Variants in JMJD1C observed in about 807,000 individuals in gnomAD.
The protein encoded by JMJD1C is jumonji domain-containing protein 1C.
JMJD1C carries 31 observed loss-of-function variants against 245.3 expected under a neutral mutation model. That is an observed-to-expected ratio of 0.13 (90% CI 0.09 to 0.17). JMJD1C has a LOEUF of 0.17. Ranked by LOEUF, JMJD1C falls within the 10% of genes least tolerant of loss-of-function variation. The pLI, the probability that JMJD1C is intolerant of heterozygous loss-of-function variation, is 1.00. For missense variants in JMJD1C, 2,691 were observed against 3,000.2 expected, an observed-to-expected ratio of 0.90 and a Z score of 2.41; for synonymous variants, 1,057 against 1,017.4, an observed-to-expected ratio of 1.04 and a Z score of -0.74.
intron 2 of JMJD1C, among the ~76,000 whole-genome samples, chr10:63,317,333 C>T (rs936467869): frequency 2.6e-5 from 4 of 152,006 alleles, no homozygotes; most frequent in African/African-American, 9.7e-5. Context: ...GATGAAACCC[C>T]GTTTCTACTA....
intron 2 of JMJD1C, among the ~76,000 whole-genome samples, chr10:63,319,087 C>T (rs1354861996): frequency 1.3e-5 from 2 of 151,590 alleles, no homozygotes; most frequent in Non-Finnish European, 2.9e-5. Context: ...GGTGAAACAC[C>T]GTCTCTACTA....
intron 2 of JMJD1C, among the ~76,000 whole-genome samples, chr10:63,320,993 T>C (rs558819568): frequency 6.6e-6 from 1 of 152,310 alleles, no homozygotes; most frequent in African/African-American, 2.4e-5. Context: ...TGGCCAATTA[T>C]ATAATCAATG....
chr10:63,177,420 C>T (rs1355445317), intron 23 of JMJD1C: 1 of 313,036 alleles, frequency 3.2e-6, no homozygotes, highest in Non-Finnish European at 5.9e-6. Flanking sequence ...CTCCAGATAG[C>T]TACTTTTCGC....
At position 63,508,218 on chromosome 10, in the gene JMJD1C, A is replaced by G. The variant is rs187327915; in HGVS notation, n.113+13520T>C. Among the ~76,000 whole-genome samples, 26 of 152,306 alleles carry G rather than the reference A, an allele frequency of 1.7e-4. 1 individual carries two copies. In the East Asian group the frequency reaches 4.4e-3, roughly 26 times the overall value. ...CATGTGAATGTCAGGTTATTCCAAC[A>G]TTATTTTTTGAAAATATTATATCTT... is the stretch of plus-strand genomic sequence containing the variant. On this transcript the variant is annotated intron_variant and non_coding_transcript_variant, in intron 1 of 3. Transcript: ENST00000633035.
chr10:63,509,412 G>A (rs574458369), intron 1 of JMJD1C, among the ~76,000 whole-genome samples: 1 of 152,246 alleles, frequency 6.6e-6, no homozygotes, highest in East Asian at 1.9e-4. Flanking sequence ...TTTTGAATTA[G>A]GATAATGGCA....
chr10:63,233,371 C>A (rs1008380842), intron 3 of JMJD1C, among the ~76,000 whole-genome samples: 1 of 152,016 alleles, frequency 6.6e-6, no homozygotes, highest in Non-Finnish European at 1.5e-5. Flanking sequence ...AAAGCACTGT[C>A]TGTAACATTA....
At chr10:63,374,761 A>G (rs911217376) in intron 2 of JMJD1C, among the ~76,000 whole-genome samples, 1 of 152,196 alleles carries the variant, frequency 6.6e-6, no homozygotes, top group Non-Finnish European at 1.5e-5. Flanking sequence ...ATCCTAAATT[A>G]CTACTCATGA....
At chr10:63,180,532 G>A (rs1490941048) in intron 22 of JMJD1C, among the ~76,000 whole-genome samples, 1 of 152,044 alleles carries the variant, frequency 6.6e-6, no homozygotes, top group African/African-American at 2.4e-5. Flanking sequence ...CCCAGTCATG[G>A]TAAAACAAAA....
rs370840996 is a variant in JMJD1C at position 63,207,327 on chromosome 10, A to C, written c.4342T>G (p.Cys1448Gly). 9 of 1,613,502 alleles carry C rather than the reference A, an allele frequency of 5.6e-6. No individual in the cohort carries two copies. In the African/African-American group the frequency reaches 1.2e-4, roughly 22 times the overall value. ...VSQPVAQKQE[C>G]KVSTTAPVTL... ...ACTGGTGCTGTGGTGCTGACCTTGC[A>C]TTCTTGTTTTTGAGCCACTGGCTGA... Residue 1448 changes from cysteine (C) to glycine (G), a missense_variant, in exon 10 of 26, where the codon TGC becomes GGC. Transcript: ENST00000399262.
chr10:63,215,259 C>T lies in JMJD1C; in HGVS notation c.1015+4G>A. The T allele has an allele frequency of 6.2e-7, 1 of 1,607,366 alleles. No homozygotes were observed. The highest frequency in any genetic ancestry group is 8.5e-7 in the Non-Finnish European group (1 of 1,176,880). On this transcript the variant is annotated splice_donor_region_variant and intron_variant, in intron 7 of 25. Coordinates refer to ENST00000399262, the MANE Select transcript of JMJD1C (RefSeq NM_032776.3). ...ATTCCCTTAAAAAAAAAAGTGGGTC[C>T]TACCTCCTCGTGATATATAATCATA...
chr10:63,337,605 AAAG>A (rs1454139813), intron 2 of JMJD1C, among the ~76,000 whole-genome samples: 1 of 101,930 alleles, frequency 9.8e-6, no homozygotes, highest in African/African-American at 6.4e-5. Context: ...AAAGAAAAGA[AAAG>A]AAAAGAAAAG....
chr10:63,173,167 A>T (rs1477718200), intron 24 of JMJD1C, among the ~76,000 whole-genome samples: 1 of 152,162 alleles, frequency 6.6e-6, no homozygotes, highest in Non-Finnish European at 1.5e-5. Flanking sequence ...TTCAAAAGAA[A>T]AACATTAAAA....
chr10:63,206,773 A>C lies in JMJD1C; in HGVS notation c.4896T>G (p.Asp1632Glu). ...YESGSESGDS[D>E]ESESKSEQRT... ...TTTGCTCTGACTTGCTTTCACTTTC[A>C]TCTGAGTCTCCACTTTCAGAGCCAG... The change falls in exon 10 of 26, where the codon GAT becomes GAG. Residue 1632 changes from aspartate (D) to glutamate (E), a missense_variant. Asp to Glu is a conservative substitution (Grantham distance 45). Around this residue, in one of 9 missense-constraint regions of JMJD1C, gnomAD observed 144 missense variants for 143.3 expected, o/e 1.00. Coordinates refer to ENST00000399262, the MANE Select transcript of JMJD1C (RefSeq NM_032776.3). 2 of 1,610,020 alleles carry C rather than the reference A, an allele frequency of 1.2e-6. No homozygotes were observed. The highest frequency in any genetic ancestry group is 1.7e-6 in the Non-Finnish European group (2 of 1,179,126).
intron 2 of JMJD1C, among the ~76,000 whole-genome samples, chr10:63,312,075 T>G (rs1025851137): frequency 6.6e-6 from 1 of 151,298 alleles, no homozygotes; most frequent in African/African-American, 2.4e-5. Context: ...CAGACATGGA[T>G]TTATGACTAG....
At chr10:63,417,247 G>T (rs909368391) in intron 1 of JMJD1C, among the ~76,000 whole-genome samples, 1 of 152,136 alleles carries the variant, frequency 6.6e-6, no homozygotes, top group Non-Finnish European at 1.5e-5. Context: ...AGTTAAATAT[G>T]TTAAGAAGCA....
intron 4 of JMJD1C, among the ~76,000 whole-genome samples, chr10:63,218,795 A>T (rs1564630395): frequency 1.3e-5 from 2 of 152,218 alleles, no homozygotes; most frequent in Non-Finnish European, 1.5e-5. Context: ...GGATGTACCA[A>T]ATAATCACAA....
At chr10:63,305,512 C>CCT (rs71025151) in intron 2 of JMJD1C, among the ~76,000 whole-genome samples, 2,020 of 130,490 alleles carry the variant, frequency 0.015, 78 homozygotes, top group African/African-American at 0.022. Context: ...AAGGTCTGAC[C>CCT]CTCTCTCTCT....
At chr10:63,428,445 G>C (rs1950566405) in intron 1 of JMJD1C, among the ~76,000 whole-genome samples, 1 of 152,176 alleles carries the variant, frequency 6.6e-6, no homozygotes, top group African/African-American at 2.4e-5. Context: ...TGTCAGAACA[G>C]TGTTCAACAG....
At chr10:63,240,095 T>C (rs1851295308) in intron 3 of JMJD1C, among the ~76,000 whole-genome samples, 1 of 152,208 alleles carries the variant, frequency 6.6e-6, no homozygotes, top group Non-Finnish European at 1.5e-5. Flanking sequence ...AAATTTTGTA[T>C]GAATACTGCC....
Sources: allele counts gnomAD v4.1 joint callset (sites outside exome capture counted in the v4.1 genomes callset), GRCh38; gene constraint gnomAD v4.1.1; regional missense constraint gnomAD v4.1.1; transcripts MANE v1.5; gene names NCBI Gene and HGNC (gene_info 2026-07-23, HGNC 2026-07-21).